Variants in E2F2 observed in about 807,000 individuals in gnomAD.
E2F2 encodes the protein E2F transcription factor 2.
Under a neutral mutation model 42.2 loss-of-function variants are expected in E2F2, and 22 were observed. That is an observed-to-expected ratio of 0.52 (90% CI 0.37 to 0.74). The LOEUF (loss-of-function observed/expected upper bound fraction) is 0.74. Ranked by LOEUF, E2F2 falls within the 30% of genes least tolerant of loss-of-function variation. The probability of loss-of-function intolerance (pLI) is 0.00; values close to 1 mark genes in which losing one functional copy is unlikely to be tolerated. For missense variants in E2F2, 481 were observed against 557.8 expected, an observed-to-expected ratio of 0.86 and a Z score of 1.39; for synonymous variants, 248 against 251.6, an observed-to-expected ratio of 0.99 and a Z score of 0.13.
chr1:23,523,202 G>T (rs955417700), intron 2 of E2F2, among the ~76,000 whole-genome samples: 4 of 149,558 alleles, frequency 2.7e-5, no homozygotes, highest in Non-Finnish European at 5.9e-5. Flanking sequence ...CTCCCAGGCT[G>T]GAGTGGAGTG....
Position 23,509,906 on chromosome 1 carries a change from C to G in E2F2, c.1288G>C (p.Asp430His), listed in dbSNP as rs751344677. 3.2e-6 allele frequency: 5 copies of G among 1,573,136 alleles called. No homozygotes were observed. Among genetic ancestry groups the G allele is most frequent in the Non-Finnish European group, 4.3e-6 (5 of 1,157,220 alleles). ...EGISDLFDSY[D>H]LGDLLIN ...CAATTAATCAACAGGTCCCCAAGGT[C>G]GTAGGAGTCGAAGAGATCGCTGATG... Residue 430 changes from aspartate to histidine, a missense_variant, in exon 7 of 7, where the codon GAC becomes CAC. Transcript: ENST00000361729.
chr1:23,521,748 T>C (rs1570467246), intron 3 of E2F2, 89 bp downstream of exon 3: 1 of 1,560,770 alleles, frequency 6.4e-7, no homozygotes, highest in Non-Finnish European at 8.7e-7. Flanking sequence ...GCCCCGCCCC[T>C]GCCACTCACA....
At chr1:23,515,783 C>T (rs1308583822) in intron 6 of E2F2, among the ~76,000 whole-genome samples, 1 of 151,808 alleles carries the variant, frequency 6.6e-6, no homozygotes, top group East Asian at 1.9e-4. Context: ...CTCACTGTAG[C>T]CTCAACCTCC....
chr1:23,518,881 A>G (rs545968053), intron 5 of E2F2, 135 bp downstream of exon 5: 30 of 598,384 alleles, frequency 5.0e-5, no homozygotes, highest in Middle Eastern at 2.8e-4. Context: ...AAGGCCACCA[A>G]TATTGCCATG....
chr1:23,518,476 T>C (rs202058447), intron 5 of E2F2, among the ~76,000 whole-genome samples: 1 of 51,504 alleles, frequency 1.9e-5, no homozygotes, highest in African/African-American at 3.3e-5. Flanking sequence ...GTCTCAAAAA[T>C]AAATAAATAA....
At position 23,524,216 on chromosome 1, in the gene E2F2, T is replaced by C. The variant is rs376747055; in HGVS notation, c.358+167A>G. 3.3e-5 allele frequency among the ~76,000 whole-genome samples: 5 copies of C among 152,152 alleles called. No homozygotes were observed. In the East Asian group the frequency reaches 7.7e-4, roughly 23 times the overall value. ...CTCTCTGAGTCTCAAGTTGCCTGAT[T>C]AGTAAAGACAGACAAGCCTACCTAC... is the stretch of plus-strand genomic sequence containing the variant. On this transcript the variant is annotated intron_variant, in intron 2 of 6. Coordinates refer to ENST00000361729, the MANE Select transcript of E2F2 (RefSeq NM_004091.4).
rs71023281 is a variant in E2F2 at position 23,513,562 on chromosome 1, ATGTGTGTGTGTGTGTGTGTGTGTG to A, written c.1045+2749_1045+2772del. ...ACTATTTCAGAACACAGCACGGAAC[ATGTGTGTGTGTGTGTGTGTGTGTG>A]TGTGTGTGTGTGTGTGTGTGTGTGT... On this transcript the variant is annotated intron_variant, in intron 6 of 6. Transcript: ENST00000361729. Among the ~76,000 whole-genome samples, 262 of 135,284 alleles carry A rather than the reference ATGTGTGTGTGTGTGTGTGTGTGTG, an allele frequency of 1.9e-3. 2 individuals are homozygous for A. The highest frequency in any genetic ancestry group is 6.6e-3 in the African/African-American group (238 of 36,160). 88.8% of individuals were successfully genotyped at this position (135,284 alleles called of 152,430 possible).
At chr1:23,515,387 G>A (rs1166945161) in intron 6 of E2F2, among the ~76,000 whole-genome samples, 3 of 152,148 alleles carry the variant, frequency 2.0e-5, no homozygotes, top group Non-Finnish European at 4.4e-5. Flanking sequence ...CCACCTCCCA[G>A]CCAGAAGCCC....
At chr1:23,517,273 A>G (rs1032335890) in intron 5 of E2F2, among the ~76,000 whole-genome samples, 1 of 152,160 alleles carries the variant, frequency 6.6e-6, no homozygotes, top group Non-Finnish European at 1.5e-5. Context: ...TCCCTACCAC[A>G]TAACCGCAAC....
In E2F2 at chr1:23,516,379, C is replaced by T. The variant is rs776485523; in HGVS notation, c.1001G>A (p.Ser334Asn). 5 of 1,586,144 alleles carry T rather than the reference C, an allele frequency of 3.2e-6. No homozygotes were observed. Among genetic ancestry groups the T allele is most frequent in the South Asian group, 2.3e-5 (2 of 86,858 alleles). The stretch of plus-strand genomic sequence containing the variant: ...CATGATGCTAGGGTCGGTGCTGCTG[C>T]TGGGCTGGGCAGAGTCAGGGCTGGG... ...LCPSPDSAQPSSSTDPSIMEP... is the reference protein window; with the variant it reads ...LCPSPDSAQPNSSTDPSIMEP... The change falls in exon 6 of 7, where the codon AGC becomes AAC. Residue 334 changes from serine to asparagine, a missense_variant. Coordinates refer to ENST00000361729, the MANE Select transcript of E2F2 (RefSeq NM_004091.4).
In E2F2 at chr1:23,531,228, T is replaced by C. The variant is rs1231433506; in HGVS notation, c.-435A>G. On this transcript the variant is annotated 5_prime_UTR_variant, in exon 1 of 7. Coordinates refer to ENST00000361729, the MANE Select transcript of E2F2 (RefSeq NM_004091.4). The stretch of plus-strand genomic sequence containing the variant: ...GGCTCGCTCTCTAGTCCTTGAGTCT[T>C]TCTCTGCCTCTTTTTTTTCTTCTTT... 1 of 176,218 alleles carries C rather than the reference T, an allele frequency of 5.7e-6. No individual in the cohort carries two copies. The highest frequency in any genetic ancestry group is 1.2e-5 in the Non-Finnish European group (1 of 84,766). 10.9% of individuals were successfully genotyped at this position (176,218 alleles called of 1,614,324 possible).
intron 1 of E2F2, 145 bp from the exon 2 acceptor site, chr1:23,524,633 A>T: frequency 3.2e-6 from 2 of 622,290 alleles, no homozygotes; most frequent in South Asian, 4.1e-5. Flanking sequence ...GCACTGCTGT[A>T]CTTGATAGGA....
chr1:23,530,937 G>C lies in E2F2; in HGVS notation c.-144C>G, dbSNP rs1369826856. ...AATGGACGCCTGCGGGGCAAGGCCG[G>C]ACCCTCCCCTCCTGGCCCGCGGCCG... On this transcript the variant is annotated 5_prime_UTR_variant, in exon 1 of 7. Coordinates refer to ENST00000361729, the MANE Select transcript of E2F2 (RefSeq NM_004091.4). The surrounding 1 kb of genome is among the most constrained non-coding windows in gnomAD (Gnocchi z 4.4). The C allele has an allele frequency of 1.2e-5, 13 of 1,079,660 alleles. No homozygotes were observed. The highest frequency in any genetic ancestry group is 1.1e-5 in the Non-Finnish European group (9 of 795,824). The allele number at this position is 1,079,660 out of a possible 1,614,324, so 66.9% of individuals were successfully genotyped here. A position where few individuals can be genotyped will look rare whatever the true frequency, so the allele number is the denominator to read the frequency against.
chr1:23,525,588 AAACCC>A (rs1277666999), intron 1 of E2F2, among the ~76,000 whole-genome samples: 1 of 152,180 alleles, frequency 6.6e-6, no homozygotes, highest in African/African-American at 2.4e-5. Context: ...TGCATCTTAA[AAACCC>A]TGGAACAGGC....
chr1:23,513,597 TGTG>T (rs1642956905), intron 6 of E2F2, among the ~76,000 whole-genome samples: 1 of 151,184 alleles, frequency 6.6e-6, no homozygotes, highest in African/African-American at 2.4e-5. Flanking sequence ...TGTGTGTGTG[TGTG>T]TGTGTGTGTG....
chr1:23,516,585 T>C (rs1643024408), intron 5 of E2F2, 58 bp from the exon 6 acceptor site: 1 of 1,449,322 alleles, frequency 6.9e-7, no homozygotes, highest in South Asian at 1.2e-5. Context: ...TTACACTTAG[T>C]GTGTATGGAC....
At chr1:23,522,626 G>C (rs1643174768) in intron 2 of E2F2, among the ~76,000 whole-genome samples, 1 of 152,102 alleles carries the variant, frequency 6.6e-6, no homozygotes, top group Non-Finnish European at 1.5e-5. Flanking sequence ...TGATAAGCCT[G>C]GATTTAAGAG....
In E2F2 at chr1:23,530,711, C is replaced by G. The variant is rs1643325456; in HGVS notation, c.83G>C (p.Trp28Ser). 6.2e-7 allele frequency: 1 copy of G among 1,609,876 alleles called. No individual in the cohort carries two copies. Among genetic ancestry groups the G allele is most frequent in the Non-Finnish European group, 8.5e-7 (1 of 1,178,620 alleles). Residue 28 changes from tryptophan (W) to serine (S), a missense_variant, in exon 1 of 7, where the codon TGG becomes TCG. By Grantham distance (177) the Trp-to-Ser change is radical. Transcript: ENST00000361729. The surrounding 1 kb of genome is among the most constrained non-coding windows in gnomAD (Gnocchi z 4.4). ...VVPAMSPTEL[W>S]PSGLSSPQLC... ...CTGGGGGCTGCTGAGGCCGGATGGC[C>G]ACAGCTCTGTGGGGCTCATCGCGGG...
chr1:23,518,403 G>A (rs921650644), intron 5 of E2F2, among the ~76,000 whole-genome samples: 2 of 150,686 alleles, frequency 1.3e-5, no homozygotes, highest in East Asian at 2.0e-4. Flanking sequence ...CCCAGGAGGC[G>A]GAGATTGCAG....
Sources: allele counts gnomAD v4.1 joint callset (sites outside exome capture counted in the v4.1 genomes callset), GRCh38; gene constraint gnomAD v4.1.1; non-coding constraint Gnocchi (gnomAD v3.1); transcripts MANE v1.5; gene names NCBI Gene and HGNC (gene_info 2026-07-23, HGNC 2026-07-21).